The following TENM2 variants were observed in gnomAD, a reference collection of about 807,000 sequenced individuals.
TENM2 encodes teneurin transmembrane protein 2.
A neutral mutation model predicts 245.2 loss-of-function variants in TENM2; 52 were observed. The observed-to-expected ratio is 0.21, with a 90% confidence interval of 0.17 to 0.27. TENM2 has a LOEUF of 0.27. Ranked by LOEUF, TENM2 falls within the 10% of genes least tolerant of loss-of-function variation. The pLI is 1.00. For synonymous variants in TENM2, 1,363 were observed against 1,438.9 expected, an observed-to-expected ratio of 0.95 and a Z score of 1.19; for missense variants, 3,046 against 3,666.8, an observed-to-expected ratio of 0.83 and a Z score of 4.37.
rs1222104295 is a variant in TENM2 at position 167,726,511 on chromosome 5, T to G, written c.503-149475T>G. Among the ~76,000 whole-genome samples, 3 of 152,168 alleles carry G rather than the reference T, an allele frequency of 2.0e-5. No individual in the cohort carries two copies. In the South Asian group the frequency reaches 6.2e-4, roughly 32 times the overall value. ...GTCTTACTCTGTGGCCAGGCTAGAG[T>G]GCAGTGGCATGATCATTGCTCACTG... is the stretch of plus-strand genomic sequence containing the variant. On this transcript the variant is annotated intron_variant, in intron 2 of 28. Coordinates refer to ENST00000518659, the Ensembl canonical transcript of TENM2.
At chr5:167,639,286 C>T (rs1028377461) in intron 2 of TENM2, among the ~76,000 whole-genome samples, 1 of 152,262 alleles carries the variant, frequency 6.6e-6, no homozygotes, top group Middle Eastern at 3.4e-3. Context: ...AGAAAACATT[C>T]ATTTAAAGGT....
intron 2 of TENM2, among the ~76,000 whole-genome samples, chr5:167,696,953 C>T (rs571224464): frequency 6.6e-6 from 1 of 152,174 alleles, no homozygotes; most frequent in Non-Finnish European, 1.5e-5. Flanking sequence ...GGAAAACAAG[C>T]GTCTACACTC....
At chr5:167,350,653 GAT>G (rs1402954511) in intron 1 of TENM2, among the ~76,000 whole-genome samples, 1 of 131,868 alleles carries the variant, frequency 7.6e-6, no homozygotes, top group Non-Finnish European at 1.6e-5. Context: ...TACGTATATG[GAT>G]ATATATATGG....
At chr5:167,998,573 CA>C (rs896117713) in intron 5 of TENM2, among the ~76,000 whole-genome samples, 40 of 152,258 alleles carry the variant, frequency 2.6e-4, no homozygotes, top group Admixed American at 2.2e-3. Context: ...GAGCTTCTGC[CA>C]AAGACACTTC....
chr5:167,040,398 G>A, the TENM2 span, among the ~76,000 whole-genome samples: 1 of 152,064 alleles, frequency 6.6e-6, no homozygotes, highest in African/African-American at 2.4e-5. Context: ...GGTGAGCTGT[G>A]TGGCCTTGTA....
chr5:167,146,584 C>T, the TENM2 span, among the ~76,000 whole-genome samples: 1 of 152,086 alleles, frequency 6.6e-6, no homozygotes, highest in Non-Finnish European at 1.5e-5. Context: ...ATGAGGGGAA[C>T]GATCCAACTC....
At chr5:167,437,315 G>C (rs1041774833) in intron 2 of TENM2, among the ~76,000 whole-genome samples, 1 of 152,172 alleles carries the variant, frequency 6.6e-6, no homozygotes, top group East Asian at 1.9e-4. Context: ...TTTCGGACTT[G>C]CATAAGGCCC....
the TENM2 span, among the ~76,000 whole-genome samples, chr5:167,065,738 C>G: frequency 2.0e-5 from 3 of 152,128 alleles, no homozygotes; most frequent in East Asian, 5.8e-4. Context: ...CCATAAAGCC[C>G]ATTTAAAGGT....
intron 3 of TENM2, among the ~76,000 whole-genome samples, chr5:167,898,483 C>T (rs1041004944): frequency 3.9e-5 from 6 of 152,086 alleles, no homozygotes; most frequent in Admixed American, 6.5e-5. Flanking sequence ...ATGTAAATGC[C>T]GGGATGCCAA....
intron 3 of TENM2, among the ~76,000 whole-genome samples, chr5:167,943,692 G>A (rs1398868566): frequency 6.6e-6 from 1 of 152,134 alleles, no homozygotes; most frequent in Non-Finnish European, 1.5e-5. Context: ...AACAGAAAGA[G>A]TATTTTCTGC....
intron 11 of TENM2, among the ~76,000 whole-genome samples, chr5:168,126,226 G>A (rs574740011): frequency 1.3e-5 from 2 of 152,288 alleles, no homozygotes; most frequent in Admixed American, 6.5e-5. Context: ...ATGGAGCAGC[G>A]GGGTCCCCAA....
In TENM2 at chr5:168,162,765, C is replaced by A; in HGVS notation, c.2569+8C>A. 2.5e-6 allele frequency: 4 copies of A among 1,613,388 alleles called. No homozygotes were observed. Among genetic ancestry groups the A allele is most frequent in the Non-Finnish European group, 3.4e-6 (4 of 1,179,400 alleles). The stretch of plus-strand genomic sequence containing the variant: ...ACAAGGATAATGAGGGAGGTGAGCA[C>A]GCGTCTTCTCATTCCCAGCCCCTAA... On this transcript the variant is annotated splice_region_variant and intron_variant, in intron 13 of 28. Coordinates refer to ENST00000518659, the Ensembl canonical transcript of TENM2.
the TENM2 span, among the ~76,000 whole-genome samples, chr5:167,152,069 AT>A: frequency 6.6e-6 from 1 of 152,152 alleles, no homozygotes; most frequent in Non-Finnish European, 1.5e-5. Context: ...TGTATACAAA[AT>A]TTGCCACTTT....
chr5:168,225,821 T>TTTCTC lies in TENM2; in HGVS notation c.5109-265_5109-261dup, dbSNP rs1434397419. Among the ~76,000 whole-genome samples, 21 of 151,934 alleles carry TTTCTC rather than the reference T, an allele frequency of 1.4e-4. No homozygotes were observed. The East Asian group carries it at 3.9e-3, about 28-fold the overall frequency. Reference sequence around the variant, plus strand: ...GTAAGAGAAGCTCACAAGTGGCTGTTTTCTCTAACTAACTAGAGGAAGCCT... The same window carrying TTTCTC: ...GTAAGAGAAGCTCACAAGTGGCTGTTTTCTCTTCTCTAACTAACTAGAGGAAGCCT... On this transcript the variant is annotated intron_variant, in intron 23 of 28. Transcript: ENST00000518659.
rs111301552 is a variant in TENM2, at chr5:167,751,953, T to TACACACAC, written c.503-124017_503-124010dup. 9.9e-3 allele frequency among the ~76,000 whole-genome samples: 1,477 copies of TACACACAC among 149,748 alleles called. 89 individuals carry two copies. The highest frequency in any genetic ancestry group is 0.084 in the Admixed American group (1,257 of 15,014). On this transcript the variant is annotated intron_variant, in intron 2 of 28. Transcript: ENST00000518659. ...GGACGCGTAGTTTCTGTGAAAATAA[T>TACACACAC]ACACACACACACACACACACACATG...
chr5:167,367,954 G>GA (rs1215650574), intron 1 of TENM2, among the ~76,000 whole-genome samples: 7 of 151,842 alleles, frequency 4.6e-5, no homozygotes, highest in Admixed American at 3.3e-4. Flanking sequence ...ATATCTGCTA[G>GA]AAAAAATTGT....
intron 9 of TENM2, among the ~76,000 whole-genome samples, chr5:168,104,858 G>A (rs111778014): frequency 5.3e-5 from 8 of 152,286 alleles, no homozygotes; most frequent in African/African-American, 1.9e-4. Flanking sequence ...CAGTCGAGGG[G>A]ACAGAACTTA....
upstream of TENM2, among the ~76,000 whole-genome samples, chr5:167,280,316 A>T (rs1179221871): frequency 6.6e-6 from 1 of 152,170 alleles, no homozygotes; most frequent in Non-Finnish European, 1.5e-5. Context: ...GATGGTGAAA[A>T]GTTCTGACTC....
At chr5:167,451,750 G>A (rs1765599530) in intron 2 of TENM2, among the ~76,000 whole-genome samples, 1 of 151,958 alleles carries the variant, frequency 6.6e-6, no homozygotes, top group Non-Finnish European at 1.5e-5. Context: ...CCGGGTTCAT[G>A]CCATTCTTCT....
Sources: allele counts gnomAD v4.1 joint callset (sites outside exome capture counted in the v4.1 genomes callset), GRCh38; gene constraint gnomAD v4.1.1; transcripts MANE v1.5; gene names NCBI Gene and HGNC (gene_info 2026-07-23, HGNC 2026-07-21).